Variants in C10orf67 observed in about 807,000 individuals in gnomAD.
C10orf67 encodes chromosome 10 open reading frame 67.
In C10orf67, 60 loss-of-function variants were observed where a neutral mutation model predicts 35.6. That is an observed-to-expected ratio of 1.68 (90% CI 1.37 to 2.09). C10orf67 has a LOEUF of 2.09. Ranked by LOEUF, C10orf67 falls within the 30% of genes most tolerant of loss-of-function variation. The pLI is 0.00. For missense variants in C10orf67, 474 were observed against 330.2 expected (o/e 1.44, Z -3.38); for synonymous variants, 167 against 115.8 (o/e 1.44, Z -2.84).
Position 23,267,217 on chromosome 10 carries a change from T to A in C10orf67, c.1013A>T (p.Lys338Met). The A allele has an allele frequency of 4.2e-6, 3 of 715,896 alleles. No individual in the cohort carries two copies. The highest frequency in any genetic ancestry group is 7.8e-6 in the Non-Finnish European group (3 of 384,668). The allele number at this position is 715,896 out of a possible 1,614,324, so 44.3% of individuals were successfully genotyped here. Reference sequence around the variant, plus strand: ...AACCTTTACACTTAAGCTGCCATACTTTTTTCTCATTTCCTTGTCCTCTTT... The same window carrying A: ...AACCTTTACACTTAAGCTGCCATACATTTTTCTCATTTCCTTGTCCTCTTT... ...KQKEDKEMRK[K>M]YGSLSVKVAR... The change falls in exon 9 of 16, where the codon AAG becomes ATG. Residue 338 changes from lysine to methionine, a missense_variant. Transcript: ENST00000636213.
intron 13 of C10orf67, among the ~76,000 whole-genome samples, chr10:23,238,986 GA>G (rs1412591708): frequency 3.3e-5 from 5 of 151,582 alleles, no homozygotes; most frequent in Non-Finnish European, 5.9e-5. Flanking sequence ...GACAAATGTT[GA>G]AAAAAAATTT....
intron 1 of C10orf67, among the ~76,000 whole-genome samples, chr10:23,336,627 G>A (rs1845690125): frequency 6.6e-6 from 1 of 152,122 alleles, no homozygotes; most frequent in Non-Finnish European, 1.5e-5. Flanking sequence ...TGATTCTCAC[G>A]CCTCAGTCTC....
rs138522689 is a variant in C10orf67 at position 23,222,545 on chromosome 10, C to T, written c.1570+1053G>A. On this transcript the variant is annotated intron_variant, in intron 15 of 15. Coordinates refer to ENST00000636213, the MANE Select transcript of C10orf67 (RefSeq NM_001371909.1). ...AGGTAAGGGTTGAAAAACTTCCTATCCCATACTACGTTCACTAATTGGGTG... is the reference window on the plus strand; with the variant it reads ...AGGTAAGGGTTGAAAAACTTCCTATTCCATACTACGTTCACTAATTGGGTG... Among the ~76,000 whole-genome samples, 12 of 152,152 alleles carry T rather than the reference C, an allele frequency of 7.9e-5. 1 individual carries two copies. In the South Asian group the frequency reaches 1.2e-3, roughly 16 times the overall value.
chr10:23,260,902 C>A (rs188551123), intron 10 of C10orf67, among the ~76,000 whole-genome samples: 7 of 152,280 alleles, frequency 4.6e-5, no homozygotes, highest in East Asian at 1.9e-4. Context: ...TACAAAAAGA[C>A]CTTTCAAATA....
chr10:23,300,373 T>C lies in C10orf67; in HGVS notation c.702+2931A>G, dbSNP rs1014698827. On this transcript the variant is annotated intron_variant, in intron 5 of 15. Coordinates refer to ENST00000636213, the MANE Select transcript of C10orf67 (RefSeq NM_001371909.1). Reference sequence around the variant, plus strand: ...TGCCTGAGGGCCATGACTAAAGCGGTGGCCTTTTTTTATCCCGTTTGTCCC... The same window carrying C: ...TGCCTGAGGGCCATGACTAAAGCGGCGGCCTTTTTTTATCCCGTTTGTCCC... Among the ~76,000 whole-genome samples, 8 of 152,116 alleles carry C rather than the reference T, an allele frequency of 5.3e-5. No homozygotes were observed. In the South Asian group the frequency reaches 1.0e-3, roughly 20 times the overall value.
chr10:23,267,969 G>A (rs193088679), intron 8 of C10orf67, among the ~76,000 whole-genome samples: 11 of 152,038 alleles, frequency 7.2e-5, no homozygotes, highest in Admixed American at 2.0e-4. Context: ...CTTCAATAAC[G>A]TAATGAATGA....
intron 13 of C10orf67, among the ~76,000 whole-genome samples, chr10:23,239,309 G>A (rs1842120752): frequency 6.6e-6 from 1 of 152,140 alleles, no homozygotes; most frequent in Non-Finnish European, 1.5e-5. Context: ...ATGTGAAATT[G>A]AATGGCTTGG....
intron 4 of C10orf67, among the ~76,000 whole-genome samples, chr10:23,304,530 C>A (rs1385930147): frequency 1.3e-5 from 2 of 152,152 alleles, no homozygotes; most frequent in Non-Finnish European, 2.9e-5. Context: ...CGTGACCCAG[C>A]TCGAGCCCAC....
intron 4 of C10orf67, chr10:23,318,847 C>T (rs1484118363): frequency 2.6e-6 from 2 of 768,118 alleles, no homozygotes; most frequent in Admixed American, 3.5e-5. Context: ...CCAAGGACCC[C>T]TCTGCTTCTT....
At chr10:23,339,473 C>T (rs567622314) in intron 1 of C10orf67, among the ~76,000 whole-genome samples, 5 of 150,756 alleles carry the variant, frequency 3.3e-5, no homozygotes, top group African/African-American at 9.7e-5. Flanking sequence ...ATTTGGATCT[C>T]GCAGCTAGGT....
At chr10:23,320,854 T>C in intron 3 of C10orf67, 39 bp from the exon 4 acceptor site, 1 of 1,373,900 alleles carries the variant, frequency 7.3e-7, no homozygotes, top group Non-Finnish European at 1.0e-6. Context: ...CCATAATGTA[T>C]TTCCAAATAT....
intron 15 of C10orf67, among the ~76,000 whole-genome samples, chr10:23,211,531 G>A (rs1288405279): frequency 6.6e-6 from 1 of 151,566 alleles, no homozygotes; most frequent in African/African-American, 2.4e-5. Context: ...TCCAGAGAAG[G>A]CAACTTACTG....
At chr10:23,309,105 T>A (rs968005157) in intron 4 of C10orf67, among the ~76,000 whole-genome samples, 3 of 152,324 alleles carry the variant, frequency 2.0e-5, no homozygotes, top group Non-Finnish European at 4.4e-5. Flanking sequence ...GCAGCACTAT[T>A]CACAATGGCA....
intron 13 of C10orf67, among the ~76,000 whole-genome samples, chr10:23,224,543 G>A (rs542316408): frequency 6.6e-6 from 1 of 152,350 alleles, no homozygotes; most frequent in South Asian, 2.1e-4. Context: ...ACTTTGACGA[G>A]TTGAGAGAAG....
chr10:23,263,459 T>G (rs1244438176), intron 10 of C10orf67, among the ~76,000 whole-genome samples: 2 of 152,206 alleles, frequency 1.3e-5, no homozygotes, highest in Non-Finnish European at 2.9e-5. Context: ...GTTGCAATAC[T>G]ATTTTATCTA....
intron 4 of C10orf67, among the ~76,000 whole-genome samples, chr10:23,309,657 G>C (rs1844422475): frequency 6.6e-6 from 1 of 152,140 alleles, no homozygotes; most frequent in Non-Finnish European, 1.5e-5. Context: ...CTGGTGCCAA[G>C]TCATCTTCAT....
At chr10:23,294,374 C>T in intron 5 of C10orf67, among the ~76,000 whole-genome samples, 1 of 152,082 alleles carries the variant, frequency 6.6e-6, no homozygotes, top group East Asian at 1.9e-4. Context: ...CAGGCACACA[C>T]ACACACACAC....
intron 4 of C10orf67, among the ~76,000 whole-genome samples, chr10:23,310,507 C>G (rs1225503832): frequency 6.6e-6 from 1 of 152,222 alleles, no homozygotes; most frequent in Non-Finnish European, 1.5e-5. Flanking sequence ...AGGGTCCATG[C>G]TGGCCTGGCA....
intron 2 of C10orf67, among the ~76,000 whole-genome samples, chr10:23,325,385 C>A (rs1442751210): frequency 1.3e-5 from 2 of 151,426 alleles, no homozygotes; most frequent in Admixed American, 6.6e-5. Context: ...TCTGAACAAA[C>A]CTCTGGCTCA....
Sources: gnomAD v4.1 joint callset for allele counts (sites outside exome capture counted in the v4.1 genomes callset) on GRCh38, gnomAD v4.1.1 for gene constraint, MANE v1.5 for transcripts, NCBI Gene and HGNC (gene_info 2026-07-23, HGNC 2026-07-21) for gene names.